Variants in AGFG1 observed in about 807,000 individuals in gnomAD.
The protein encoded by AGFG1 is arf-GAP domain and FG repeat-containing protein 1.
Under a neutral mutation model 60.6 loss-of-function variants are expected in AGFG1, and 10 were observed. That is an observed-to-expected ratio of 0.16 (90% CI 0.10 to 0.28). The LOEUF is 0.28. AGFG1 is among the 10% of genes least tolerant of loss of function. The probability of loss-of-function intolerance (pLI) is 1.00; values close to 1 mark genes in which losing one functional copy is unlikely to be tolerated. For missense variants in AGFG1, 537 were observed against 676.5 expected, an observed-to-expected ratio of 0.79 and a Z score of 2.29; for synonymous variants, 247 against 242.9, an observed-to-expected ratio of 1.02 and a Z score of -0.16.
At chr2:227,543,388 A>G (rs1692550772) in intron 10 of AGFG1, among the ~76,000 whole-genome samples, 1 of 151,982 alleles carries the variant, frequency 6.6e-6, no homozygotes, top group South Asian at 2.1e-4. Context: ...TAACATCTTT[A>G]TTTCTGCCTT....
chr2:227,548,723 G>A (rs1395096745), intron 10 of AGFG1, among the ~76,000 whole-genome samples: 1 of 152,162 alleles, frequency 6.6e-6, no homozygotes, highest in Non-Finnish European at 1.5e-5. Context: ...GGATCACGAG[G>A]TCAGGAGATC....
At chr2:227,547,448 T>C (rs1692687307) in intron 10 of AGFG1, among the ~76,000 whole-genome samples, 1 of 152,166 alleles carries the variant, frequency 6.6e-6, no homozygotes, top group Non-Finnish European at 1.5e-5. Flanking sequence ...GCCAATGTGG[T>C]AATCAAAACA....
At chr2:227,551,585 T>G (rs1692822515) in intron 10 of AGFG1, among the ~76,000 whole-genome samples, 1 of 152,188 alleles carries the variant, frequency 6.6e-6, no homozygotes, top group Non-Finnish European at 1.5e-5. Flanking sequence ...GTTATTTTAC[T>G]GCATATAACA....
rs1280582218 is a variant in AGFG1, at chr2:227,561,095, G to A, written c.*6600G>A. ...AATATTGGATGAAAACTTACAGGCT[G>A]TTTTCAATATTCATTTCTGAAATAC... On this transcript the variant is annotated 3_prime_UTR_variant, in exon 13 of 13. Coordinates refer to ENST00000310078, the MANE Select transcript of AGFG1 (RefSeq NM_004504.5). 6.6e-6 allele frequency: 1 copy of A among 152,070 alleles called. No homozygotes were observed. The allele number at this position is 152,070 out of a possible 1,614,324, so 9.4% of individuals were successfully genotyped here.
intron 10 of AGFG1, among the ~76,000 whole-genome samples, chr2:227,542,512 C>G (rs886978631): frequency 5.3e-5 from 8 of 152,184 alleles, no homozygotes; most frequent in Non-Finnish European, 1.0e-4. Flanking sequence ...GTGAAGCCAG[C>G]TTGATCATGG....
intron 1 of AGFG1, among the ~76,000 whole-genome samples, chr2:227,488,334 C>T (rs531516639): frequency 6.6e-6 from 1 of 152,272 alleles, no homozygotes; most frequent in South Asian, 2.1e-4. Flanking sequence ...ATATGTGTGA[C>T]GTAACTTAAA....
chr2:227,536,587 T>A (rs78430506), intron 8 of AGFG1, 38 bp from the exon 9 acceptor site: 2 of 1,571,558 alleles, frequency 1.3e-6, no homozygotes, highest in Non-Finnish European at 1.7e-6. Flanking sequence ...CTTTTTTTTT[T>A]AAGAAAAAAA....
At chr2:227,542,749 T>A (rs1692528916) in intron 10 of AGFG1, among the ~76,000 whole-genome samples, 1 of 152,240 alleles carries the variant, frequency 6.6e-6, no homozygotes, top group Non-Finnish European at 1.5e-5. Flanking sequence ...CTCCTCTTTG[T>A]ACCTCTGGTA....
At chr2:227,509,006 T>C (rs999328391) in intron 2 of AGFG1, among the ~76,000 whole-genome samples, 12 of 152,040 alleles carry the variant, frequency 7.9e-5, no homozygotes, top group African/African-American at 2.9e-4. Context: ...TTCAGAAAAA[T>C]TTTAGCATTA....
intron 8 of AGFG1, among the ~76,000 whole-genome samples, chr2:227,536,112 T>G (rs1439388054): frequency 6.6e-6 from 1 of 152,126 alleles, no homozygotes; most frequent in Non-Finnish European, 1.5e-5. Flanking sequence ...GTTGGTTTGC[T>G]GCACCCATCA....
chr2:227,499,863 TGACTTCAGTGCCTTATGG>T (rs1691097745), intron 2 of AGFG1, among the ~76,000 whole-genome samples: 1 of 152,152 alleles, frequency 6.6e-6, no homozygotes, highest in South Asian at 2.1e-4. Context: ...GCAGCTCAGG[TGACTTCAGTGCCTTATGG>T]GACACGGACG....
At chr2:227,476,475 G>T (rs1410992627) in intron 1 of AGFG1, among the ~76,000 whole-genome samples, 1 of 152,116 alleles carries the variant, frequency 6.6e-6, no homozygotes, top group Non-Finnish European at 1.5e-5. Context: ...TTCAGTGAGG[G>T]TTTAGATAAA....
chr2:227,512,186 G>A (rs1219521088), intron 2 of AGFG1, among the ~76,000 whole-genome samples: 2 of 152,168 alleles, frequency 1.3e-5, no homozygotes, highest in East Asian at 3.8e-4. Context: ...CATACAGCTT[G>A]TGTGTGCCTA....
intron 1 of AGFG1, among the ~76,000 whole-genome samples, chr2:227,474,962 A>C (rs1690236205): frequency 6.6e-6 from 1 of 152,214 alleles, no homozygotes; most frequent in African/African-American, 2.4e-5. Context: ...AAAATAATGT[A>C]TGTTAAACAT....
At chr2:227,513,053 C>T (rs71431052) in intron 2 of AGFG1, among the ~76,000 whole-genome samples, 30 of 152,208 alleles carry the variant, frequency 2.0e-4, no homozygotes, top group Non-Finnish European at 3.2e-4. Context: ...ATAAGGTTTT[C>T]TCCAAATAAA....
intron 5 of AGFG1, among the ~76,000 whole-genome samples, chr2:227,528,940 G>T (rs1020388143): frequency 2.9e-4 from 44 of 152,136 alleles, no homozygotes; most frequent in Non-Finnish European, 5.9e-5. Flanking sequence ...TTTGTTCCTT[G>T]TCTGAAGAAA....
rs920007081 is a variant in AGFG1 at position 227,500,060 on chromosome 2, C to T, written c.261+8420C>T. ...GGACGGCAGCTGACATTCATTTTGG[C>T]AACAGAGTATGCCATGTGGTTATGG... On this transcript the variant is annotated intron_variant, in intron 2 of 12. Transcript: ENST00000310078. Among the ~76,000 whole-genome samples the T allele has an allele frequency of 6.6e-5, 10 of 152,270 alleles. No individual in the cohort carries two copies. In the South Asian group the frequency reaches 2.1e-3, roughly 32 times the overall value.
intron 3 of AGFG1, among the ~76,000 whole-genome samples, chr2:227,523,059 A>G (rs1306400547): frequency 6.6e-6 from 1 of 152,180 alleles, no homozygotes; most frequent in East Asian, 1.9e-4. Context: ...ATCCATGTGT[A>G]CATGCATCTG....
At chr2:227,543,068 T>C (rs1202008411) in intron 10 of AGFG1, among the ~76,000 whole-genome samples, 3 of 152,174 alleles carry the variant, frequency 2.0e-5, no homozygotes, top group Admixed American at 1.3e-4. Flanking sequence ...TTAGTCTTGC[T>C]AGCGGTCTGT....
Sources: allele counts gnomAD v4.1 joint callset (sites outside exome capture counted in the v4.1 genomes callset), GRCh38; gene constraint gnomAD v4.1.1; transcripts MANE v1.5; gene names NCBI Gene and HGNC (gene_info 2026-07-23, HGNC 2026-07-21).